PHF3: variants seen among roughly 807,000 people sequenced by gnomAD.
The protein encoded by PHF3 is PHD finger protein 3.
Under a neutral mutation model 178.4 loss-of-function variants are expected in PHF3, and 41 were observed. That is an observed-to-expected ratio of 0.23 (90% confidence interval 0.18 to 0.30). The LOEUF is 0.30. Ranked by LOEUF, PHF3 falls within the 10% of genes least tolerant of loss-of-function variation. The pLI is 1.00. For missense variants in PHF3, 2,346 were observed against 2,398.1 expected (o/e 0.98, Z 0.45); for synonymous variants, 842 against 800.5 (o/e 1.05, Z -0.88).
rs1213693196 is a variant in PHF3 at position 63,711,241 on chromosome 6, C to T, written c.3876C>T (p.Phe1292=). 3 of 1,613,328 alleles carry T rather than the reference C, an allele frequency of 1.9e-6. No individual in the cohort carries two copies. The highest frequency in any genetic ancestry group is 1.7e-6 in the Non-Finnish European group (2 of 1,179,438). Reference sequence around the variant, plus strand: ...CTTATACTTTGCTCTTTGCATACTTCAGTAGCAGAAAGCGCTATGGAGTAG... The same window carrying T: ...CTTATACTTTGCTCTTTGCATACTTTAGTAGCAGAAAGCGCTATGGAGTAG... The part of the protein sequence containing the change: ...QISYTLLFAY[F]SSRKRYGVAA... The change falls in exon 15 of 16, where the codon TTC becomes TTT. Residue 1292 remains phenylalanine, a synonymous_variant. Coordinates refer to ENST00000262043, the MANE Select transcript of PHF3 (RefSeq NM_001370348.2).
intron 5 of PHF3, 71 bp downstream of exon 5, chr6:63,692,114 G>A (rs1378861238): frequency 9.2e-7 from 1 of 1,086,354 alleles, no homozygotes; most frequent in East Asian, 2.7e-5. Flanking sequence ...CAATAATTTT[G>A]AAATTTCTCT....
At chr6:63,694,290 C>A (rs988137526) in intron 5 of PHF3, among the ~76,000 whole-genome samples, 2 of 152,152 alleles carry the variant, frequency 1.3e-5, no homozygotes, top group Non-Finnish European at 2.9e-5. Flanking sequence ...AATATAGATA[C>A]TTGTTTCTTT....
intron 2 of PHF3, among the ~76,000 whole-genome samples, chr6:63,678,612 A>G (rs1374573560): frequency 1.3e-5 from 2 of 151,244 alleles, no homozygotes; most frequent in African/African-American, 2.4e-5. Flanking sequence ...AAATGTACAT[A>G]TGCATGCATT....
chr6:63,641,286 C>T (rs1022508316), intron 1 of PHF3, among the ~76,000 whole-genome samples: 5 of 152,108 alleles, frequency 3.3e-5, no homozygotes, highest in Non-Finnish European at 5.9e-5. Flanking sequence ...TCAAATGTTA[C>T]GCTGTGAGGC....
chr6:63,637,863 C>G (rs1764411453), intron 1 of PHF3, among the ~76,000 whole-genome samples: 1 of 152,102 alleles, frequency 6.6e-6, no homozygotes, highest in African/African-American at 2.4e-5. Flanking sequence ...TAAAAATGAG[C>G]CAGTGATGGG....
intron 1 of PHF3, among the ~76,000 whole-genome samples, chr6:63,639,218 T>G (rs1764474070): frequency 6.6e-6 from 1 of 152,164 alleles, no homozygotes; most frequent in African/African-American, 2.4e-5. Flanking sequence ...TTTCCAGAAG[T>G]TTTAACCTGT....
At chr6:63,703,493 A>C in intron 10 of PHF3, 43 bp from the exon 11 acceptor site, 1 of 1,573,720 alleles carries the variant, frequency 6.4e-7, no homozygotes, top group Non-Finnish European at 8.6e-7. Flanking sequence ...ATTGAGGCCA[A>C]ATTTTATCAG....
intron 1 of PHF3, among the ~76,000 whole-genome samples, chr6:63,637,188 T>G (rs968993646): frequency 6.6e-6 from 1 of 152,224 alleles, no homozygotes; most frequent in African/African-American, 2.4e-5. Flanking sequence ...CTTTACTATC[T>G]TATTTTAAGC....
chr6:63,694,366 T>C (rs1044065372), intron 5 of PHF3, among the ~76,000 whole-genome samples: 4 of 152,004 alleles, frequency 2.6e-5, no homozygotes, highest in Non-Finnish European at 4.4e-5. Context: ...ATTTTTAATT[T>C]TCTTTCTACT....
intron 2 of PHF3, among the ~76,000 whole-genome samples, chr6:63,661,014 A>T (rs1395350102): frequency 6.6e-6 from 1 of 151,978 alleles, no homozygotes; most frequent in Non-Finnish European, 1.5e-5. Context: ...TTTGTCTTTT[A>T]CCCAGTACCC....
chr6:63,644,393 T>A (rs1361256343), intron 1 of PHF3, among the ~76,000 whole-genome samples: 4 of 152,054 alleles, frequency 2.6e-5, no homozygotes, highest in Non-Finnish European at 5.9e-5. Flanking sequence ...TATACTAAAT[T>A]TTTTTTTGGA....
chr6:63,700,276 T>C (rs1341729948), intron 8 of PHF3, 74 bp from the exon 9 acceptor site: 1 of 615,004 alleles, frequency 1.6e-6, no homozygotes, highest in African/African-American at 1.9e-5. Flanking sequence ...ATTGTATCTT[T>C]ATTATAAATT....
chr6:63,640,623 G>T (rs1333463384), intron 1 of PHF3, among the ~76,000 whole-genome samples: 1 of 152,116 alleles, frequency 6.6e-6, no homozygotes, highest in East Asian at 1.9e-4. Context: ...TTTTAGCTCT[G>T]TTCTTCCTGT....
In PHF3 at chr6:63,719,392, G is replaced by A. The variant is rs1031719235; in HGVS notation, c.*5684G>A. On this transcript the variant is annotated 3_prime_UTR_variant, in exon 16 of 16. Coordinates refer to ENST00000262043, the MANE Select transcript of PHF3 (RefSeq NM_001370348.2). ...ATATTTTTCCTTTTGAACATTACAT[G>A]CTGCTTATTACTAAGATTTTTTTCT... 2.6e-5 allele frequency among the ~76,000 whole-genome samples: 4 copies of A among 151,812 alleles called. No homozygotes were observed. Among genetic ancestry groups the A allele is most frequent in the African/African-American group, 9.7e-5 (4 of 41,236 alleles).
intron 2 of PHF3, among the ~76,000 whole-genome samples, chr6:63,661,157 A>T (rs182102731): frequency 1.8e-3 from 276 of 152,276 alleles, no homozygotes; most frequent in African/African-American, 6.2e-3. Context: ...GGAATTATTC[A>T]TGGAGGTTTA....
At chr6:63,672,278 A>G (rs1372818904) in intron 2 of PHF3, among the ~76,000 whole-genome samples, 5 of 152,192 alleles carry the variant, frequency 3.3e-5, no homozygotes, top group African/African-American at 1.2e-4. Context: ...ACAATTAGGA[A>G]GCAATCCATA....
chr6:63,722,929 C>T lies in PHF3; in HGVS notation c.*9221C>T, dbSNP rs192406512. Among the ~76,000 whole-genome samples the T allele has an allele frequency of 2.0e-5, 3 of 152,320 alleles. No homozygotes were observed. The highest frequency in any genetic ancestry group is 1.9e-4 in the East Asian group (1 of 5,182). On this transcript the variant is annotated 3_prime_UTR_variant, in exon 16 of 16. Transcript: ENST00000262043. Reference sequence around the variant, plus strand: ...TTTTAGTGAGTATACTATGTCGTTACATATGTGATATTTGGTTAACAGCTG... The same window carrying T: ...TTTTAGTGAGTATACTATGTCGTTATATATGTGATATTTGGTTAACAGCTG...
At position 63,713,882 on chromosome 6, in the gene PHF3, C is replaced by T. The variant is rs1292099364; in HGVS notation, c.*174C>T. 1.7e-5 allele frequency: 8 copies of T among 467,588 alleles called. No homozygotes were observed. The South Asian group carries it at 4.1e-4, about 24-fold the overall frequency. 29.0% of individuals were successfully genotyped at this position (467,588 alleles called of 1,614,324 possible). ...CAGAGTGCTCTGTACCAGTGCTCAT[C>T]ATCCCTTCTTCATACCAACGGTCCC... On this transcript the variant is annotated 3_prime_UTR_variant, in exon 16 of 16. Transcript: ENST00000262043.
chr6:63,677,029 T>G (rs1400945764), intron 2 of PHF3, among the ~76,000 whole-genome samples: 1 of 152,166 alleles, frequency 6.6e-6, no homozygotes, highest in Non-Finnish European at 1.5e-5. Flanking sequence ...ATTTGGAGGT[T>G]CCATTTACTC....
Sources: allele counts gnomAD v4.1 joint callset (sites outside exome capture counted in the v4.1 genomes callset), GRCh38; gene constraint gnomAD v4.1.1; transcripts MANE v1.5; gene names NCBI Gene and HGNC (gene_info 2026-07-23, HGNC 2026-07-21).